SH2D4A: variants seen among roughly 807,000 people sequenced by gnomAD.
SH2D4A encodes the protein SH2 domain containing 4A.
Under a neutral mutation model 64.7 loss-of-function variants are expected in SH2D4A, and 70 were observed. The observed-to-expected ratio is 1.08, with a 90% CI of 0.89 to 1.32. The LOEUF is 1.32. Among genes scored for constraint, SH2D4A ranks in the 40% most tolerant of loss-of-function variants. The pLI, the probability that SH2D4A is intolerant of heterozygous loss-of-function variation, is 0.00. For synonymous variants in SH2D4A, 268 were observed against 200.7 expected (o/e 1.34, Z -2.83); for missense variants, 706 against 540.1 (o/e 1.31, Z -3.04).
intron 4 of SH2D4A, among the ~76,000 whole-genome samples, chr8:19,343,392 C>T (rs2052558549): frequency 6.6e-6 from 1 of 152,170 alleles, no homozygotes; most frequent in Non-Finnish European, 1.5e-5. Context: ...GTGGTCACAC[C>T]ATTGCACTCT....
chr8:19,370,774 CCTT>C (rs1318300135), intron 7 of SH2D4A, among the ~76,000 whole-genome samples: 1 of 151,984 alleles, frequency 6.6e-6, no homozygotes, highest in Non-Finnish European at 1.5e-5. Flanking sequence ...TGGCAATTTT[CCTT>C]CTTATTTTCT....
At chr8:19,354,525 A>G (rs1350783242) in intron 4 of SH2D4A, among the ~76,000 whole-genome samples, 1 of 152,186 alleles carries the variant, frequency 6.6e-6, no homozygotes, top group Non-Finnish European at 1.5e-5. Context: ...TTTTAACATA[A>G]TTCATAACCG....
chr8:19,337,391 T>A (rs983730083), intron 4 of SH2D4A, among the ~76,000 whole-genome samples: 1 of 152,206 alleles, frequency 6.6e-6, no homozygotes, highest in East Asian at 1.9e-4. Flanking sequence ...GAAATTTATG[T>A]CCACCTAGAA....
intron 2 of SH2D4A, among the ~76,000 whole-genome samples, chr8:19,320,099 A>G (rs2052162859): frequency 6.6e-6 from 1 of 152,228 alleles, no homozygotes; most frequent in African/African-American, 2.4e-5. Flanking sequence ...CAGTATATTT[A>G]TAGCAATTGT....
chr8:19,361,234 A>G lies in SH2D4A; in HGVS notation c.626A>G (p.Glu209Gly), dbSNP rs35647122. ...GAATCTATGAAGAAAAAACAAGATG[A>G]AGAAATAAATCAAATAGAAGAAGAG... ...KKESMKKKQD[E>G]EINQIEEERT... The change falls in exon 6 of 10, where the codon GAA (glutamate) becomes GGA (glycine). Residue 209 changes from glutamate (E) to glycine (G), a missense_variant. Physicochemically the swap from Glu to Gly is moderately conservative, Grantham distance 98. Coordinates refer to ENST00000265807, the MANE Select transcript of SH2D4A (RefSeq NM_022071.4). 0.035 allele frequency: 54,823 copies of G among 1,575,310 alleles called. 1,190 individuals are homozygous for G. Among genetic ancestry groups the G allele is most frequent in the East Asian group, 0.094 (4,184 of 44,506 alleles).
At chr8:19,316,674 C>T (rs1297315041) in intron 1 of SH2D4A, among the ~76,000 whole-genome samples, 1 of 152,284 alleles carries the variant, frequency 6.6e-6, no homozygotes, top group Admixed American at 6.5e-5. Context: ...TTGCTGGCTT[C>T]CATTCTGAAA....
At position 19,352,972 on chromosome 8, in the gene SH2D4A, C is replaced by T. The variant is rs116695337; in HGVS notation, c.514-4231C>T. Reference sequence around the variant, plus strand: ...CTGCAGTGAGCCCTGATCATGCCACCGCACTTCAGCCTGGGAACAGAGCGA... The same window carrying T: ...CTGCAGTGAGCCCTGATCATGCCACTGCACTTCAGCCTGGGAACAGAGCGA... On this transcript the variant is annotated intron_variant, in intron 4 of 9. Coordinates refer to ENST00000265807, the MANE Select transcript of SH2D4A (RefSeq NM_022071.4). Among the ~76,000 whole-genome samples, 437 of 152,196 alleles carry T rather than the reference C, an allele frequency of 2.9e-3. 4 individuals are homozygous for T. The highest frequency in any genetic ancestry group is 9.0e-3 in the African/African-American group (374 of 41,524).
intron 4 of SH2D4A, among the ~76,000 whole-genome samples, chr8:19,351,448 A>C (rs192809508): frequency 4.6e-5 from 7 of 152,030 alleles, no homozygotes; most frequent in Admixed American, 6.5e-5. Context: ...TTAAAAATAC[A>C]AAAAATTAGC....
chr8:19,388,303 C>T (rs545318149), intron 8 of SH2D4A, among the ~76,000 whole-genome samples: 9 of 152,282 alleles, frequency 5.9e-5, no homozygotes, highest in Admixed American at 1.3e-4. Context: ...ATACAGATGA[C>T]GATAATATCA....
At chr8:19,357,112 C>A in intron 4 of SH2D4A, 91 bp from the exon 5 acceptor site, 2 of 1,026,480 alleles carry the variant, frequency 1.9e-6, no homozygotes, top group Non-Finnish European at 3.0e-6. Flanking sequence ...GCGGGGGCAG[C>A]ATTAGGGAAA....
At chr8:19,319,769 A>G in intron 2 of SH2D4A, 41 bp downstream of exon 2, 1 of 1,506,872 alleles carries the variant, frequency 6.6e-7, no homozygotes, top group Non-Finnish European at 8.9e-7. Flanking sequence ...TGTTGGTAGA[A>G]CAGCTCCTGG....
chr8:19,353,674 G>GTTTT (rs55989081), intron 4 of SH2D4A, among the ~76,000 whole-genome samples: 1,086 of 105,096 alleles, frequency 0.01, 31 homozygotes, highest in African/African-American at 0.033. Context: ...GCCTCTAGCT[G>GTTTT]TTTTTTTTTT....
intron 7 of SH2D4A, among the ~76,000 whole-genome samples, chr8:19,371,578 T>G (rs980624189): frequency 6.6e-6 from 1 of 152,124 alleles, no homozygotes; most frequent in Admixed American, 6.5e-5. Flanking sequence ...ACTGGTGACC[T>G]TCGATCATCC....
At chr8:19,380,770 C>A (rs61022263) in intron 8 of SH2D4A, among the ~76,000 whole-genome samples, 45,963 of 152,098 alleles carry the variant, frequency 0.3, 7,587 homozygotes, top group Non-Finnish European at 0.38. Flanking sequence ...GTTTTGATTA[C>A]TGTAGCATTG....
chr8:19,366,521 G>A (rs1328267131), intron 7 of SH2D4A, among the ~76,000 whole-genome samples: 1 of 152,152 alleles, frequency 6.6e-6, no homozygotes, highest in Non-Finnish European at 1.5e-5. Context: ...ACCTGGCTGG[G>A]TGTGGTGGCT....
In SH2D4A at chr8:19,362,879, G is replaced by A. The variant is rs78010542; in HGVS notation, c.707-1193G>A. On this transcript the variant is annotated intron_variant, in intron 6 of 9. Transcript: ENST00000265807. ...AAATGTAGTGTAGCCTAAGTGTAAA[G>A]TGTTTACAAAGTCAACATCAGTGTG... Among the ~76,000 whole-genome samples, 1,313 of 152,162 alleles carry A rather than the reference G, an allele frequency of 8.6e-3. 14 individuals are homozygous for A. Among genetic ancestry groups the A allele is most frequent in the Non-Finnish European group, 0.012 (840 of 68,012 alleles).
rs148063751 is a variant in SH2D4A at position 19,316,317 on chromosome 8, A to G, written c.-205+2494A>G. On this transcript the variant is annotated intron_variant, in intron 1 of 9. Transcript: ENST00000265807. The stretch of plus-strand genomic sequence containing the variant: ...TTGCTATAAAAAGTAAAACAAAACA[A>G]CATAAAAATGGAAATAATGTGAGAA... Among the ~76,000 whole-genome samples the G allele has an allele frequency of 4.5e-3, 689 of 152,368 alleles. 4 individuals carry two copies. The highest frequency in any genetic ancestry group is 7.7e-3 in the Non-Finnish European group (524 of 68,048).
chr8:19,394,947 T>A lies in SH2D4A; in HGVS notation c.*305T>A. On this transcript the variant is annotated 3_prime_UTR_variant, in exon 10 of 10. Coordinates refer to ENST00000265807, the MANE Select transcript of SH2D4A (RefSeq NM_022071.4). ...AAACAAATGAAGAAATGGAAAACTT[T>A]TAGAAATTAAGGTGTACTTGAAAAC... 1 of 199,154 alleles carries A rather than the reference T, an allele frequency of 5.0e-6. No individual in the cohort carries two copies. Among genetic ancestry groups the A allele is most frequent in the Non-Finnish European group, 1.0e-5 (1 of 99,566 alleles). The allele number at this position is 199,154 out of a possible 1,614,324, so 12.3% of individuals were successfully genotyped here. A position where few individuals can be genotyped will look rare whatever the true frequency, so the allele number is the denominator to read the frequency against.
intron 4 of SH2D4A, among the ~76,000 whole-genome samples, chr8:19,341,049 C>G (rs2052521817): frequency 6.6e-6 from 1 of 152,142 alleles, no homozygotes; most frequent in Non-Finnish European, 1.5e-5. Context: ...GTGATTAACC[C>G]CAAAATTACA....
Sources: allele counts gnomAD v4.1 joint callset (sites outside exome capture counted in the v4.1 genomes callset), GRCh38; gene constraint gnomAD v4.1.1; transcripts MANE v1.5; gene names NCBI Gene and HGNC (gene_info 2026-07-23, HGNC 2026-07-21).